Variants in PRKN observed in about 807,000 individuals in gnomAD.
PRKN encodes the protein E3 ubiquitin-protein ligase parkin.
Under a neutral mutation model 59.5 loss-of-function variants are expected in PRKN, and 56 were observed. The observed-to-expected ratio is 0.94, with a 90% confidence interval of 0.76 to 1.18. The LOEUF (loss-of-function observed/expected upper bound fraction) is 1.18. Among genes scored for constraint, PRKN ranks in the 50% most tolerant of loss-of-function variants. PRKN has a pLI of 0.00. For synonymous variants in PRKN, 250 were observed against 222.1 expected (o/e 1.13, Z -1.12); for missense variants, 657 against 596.4 (o/e 1.10, Z -1.06).
At chr6:162,176,044 G>C (rs1218584733) in intron 4 of PRKN, among the ~76,000 whole-genome samples, 1 of 152,194 alleles carries the variant, frequency 6.6e-6, no homozygotes, top group Non-Finnish European at 1.5e-5. Context: ...CAATATGGTA[G>C]TTAGAACACA....
At chr6:161,840,608 A>C (rs1224158087) in intron 6 of PRKN, among the ~76,000 whole-genome samples, 1 of 150,926 alleles carries the variant, frequency 6.6e-6, no homozygotes, top group Non-Finnish European at 1.5e-5. Flanking sequence ...CCCACCCTCC[A>C]CCTTCTGCCA....
chr6:161,981,007 T>C (rs1280733855), intron 5 of PRKN, among the ~76,000 whole-genome samples: 1 of 152,224 alleles, frequency 6.6e-6, no homozygotes, highest in East Asian at 1.9e-4. Context: ...AACTCAACTA[T>C]ACTCGTCAAA....
At chr6:162,503,172 G>A (rs538506255) in intron 1 of PRKN, among the ~76,000 whole-genome samples, 25 of 137,912 alleles carry the variant, frequency 1.8e-4, no homozygotes, top group African/African-American at 5.4e-4. Context: ...TGGCCGGGGG[G>A]TGTTTTTTTA....
intron 5 of PRKN, among the ~76,000 whole-genome samples, chr6:162,021,134 AT>A (rs1259996882): frequency 2.1e-4 from 2 of 9,306 alleles, no homozygotes; most frequent in South Asian, 3.5e-3. Context: ...ATATATATAT[AT>A]ATATATATAT....
At position 162,472,468 on chromosome 6, in the gene PRKN, T is replaced by TATATATATATATATATATATATATATATA. The variant is rs1385821060; in HGVS notation, c.8-28996_8-28995insTATATATATATATATATATATATATATAT. On this transcript the variant is annotated intron_variant, in intron 1 of 11. Transcript: ENST00000366898. The stretch of plus-strand genomic sequence containing the variant: ...AGTCCAAACTCTAACTTTTATTTTA[T>TATATATATATATATATATATATATATATA]TTTATTTTATTTTATTTTATTTTAT... 1.7e-3 allele frequency among the ~76,000 whole-genome samples: 179 copies of TATATATATATATATATATATATATATATA among 104,242 alleles called. 2 individuals carry two copies. The highest frequency in any genetic ancestry group is 3.4e-3 in the East Asian group (11 of 3,220). 68.4% of individuals were successfully genotyped at this position (104,242 alleles called of 152,430 possible). A position where few individuals can be genotyped will look rare whatever the true frequency, so the allele number is the denominator to read the frequency against.
intron 2 of PRKN, among the ~76,000 whole-genome samples, chr6:162,283,873 A>C (rs1288580983): frequency 1.3e-5 from 2 of 152,210 alleles, no homozygotes; most frequent in Non-Finnish European, 2.9e-5. Flanking sequence ...AGTGTCCTCT[A>C]TCTGAAATAA....
intron 4 of PRKN, among the ~76,000 whole-genome samples, chr6:162,123,916 C>T (rs568714391): frequency 6.6e-6 from 1 of 152,082 alleles, no homozygotes; most frequent in East Asian, 1.9e-4. Flanking sequence ...TAGACTATAC[C>T]GAGAGGAGGC....
At chr6:162,564,479 T>C (rs1028270053) in intron 1 of PRKN, among the ~76,000 whole-genome samples, 1 of 151,906 alleles carries the variant, frequency 6.6e-6, no homozygotes, top group East Asian at 1.9e-4. Context: ...GAGAAAGATA[T>C]CAATATACAA....
chr6:161,835,016 A>T (rs1792687231), intron 6 of PRKN, among the ~76,000 whole-genome samples: 2 of 151,904 alleles, frequency 1.3e-5, no homozygotes, highest in Admixed American at 1.3e-4. Context: ...ACTAGGCATC[A>T]TTTCTGCCCG....
chr6:162,615,526 CAGA>C (rs754468980), intron 1 of PRKN, among the ~76,000 whole-genome samples: 4 of 152,052 alleles, frequency 2.6e-5, no homozygotes, highest in Non-Finnish European at 5.9e-5. Context: ...GGAAGGAGCA[CAGA>C]AGGTCTCTGA....
chr6:162,339,547 C>T (rs1394207954), intron 2 of PRKN, among the ~76,000 whole-genome samples: 3 of 146,706 alleles, frequency 2.0e-5, no homozygotes, highest in South Asian at 4.3e-4. Flanking sequence ...GCCAGCCGCC[C>T]CGTCCGGGAG....
chr6:162,070,642 C>T (rs1312921027), intron 4 of PRKN, among the ~76,000 whole-genome samples: 5 of 152,132 alleles, frequency 3.3e-5, no homozygotes, highest in Non-Finnish European at 7.3e-5. Context: ...ACAGTTTTTC[C>T]AGGGACCCAG....
At chr6:162,238,627 G>A (rs1201123916) in intron 3 of PRKN, among the ~76,000 whole-genome samples, 2 of 152,190 alleles carry the variant, frequency 1.3e-5, no homozygotes, top group African/African-American at 2.4e-5. Context: ...GAGGCCAGAT[G>A]ACTGGGCCAG....
intron 2 of PRKN, among the ~76,000 whole-genome samples, chr6:162,348,332 C>A (rs1381916239): frequency 6.6e-6 from 1 of 152,128 alleles, no homozygotes; most frequent in Admixed American, 6.6e-5. Flanking sequence ...AGTAACTTAA[C>A]TCGGTCCCAG....
chr6:162,707,651 T>C (rs971831410), intron 1 of PRKN, among the ~76,000 whole-genome samples: 8 of 151,988 alleles, frequency 5.3e-5, no homozygotes, highest in Middle Eastern at 3.4e-3. Flanking sequence ...CTCAGTTCAC[T>C]GCAACCTCCA....
chr6:161,896,606 G>A (rs1361684396), intron 6 of PRKN, among the ~76,000 whole-genome samples: 2 of 152,126 alleles, frequency 1.3e-5, no homozygotes, highest in African/African-American at 2.4e-5. Context: ...AGGAAAACAC[G>A]GCATGTAAGA....
chr6:161,631,389 T>G (rs1783304424), intron 7 of PRKN, among the ~76,000 whole-genome samples: 2 of 152,214 alleles, frequency 1.3e-5, no homozygotes, highest in South Asian at 4.1e-4. Flanking sequence ...CACAAGTAGC[T>G]CAGTCAGACT....
chr6:162,210,107 A>AAAAATGAAAT (rs1785140731), intron 3 of PRKN, among the ~76,000 whole-genome samples: 1 of 144,162 alleles, frequency 6.9e-6, no homozygotes, highest in East Asian at 2.0e-4. Context: ...TATAATAATA[A>AAAAATGAAAT]AAAATAAAAT....
chr6:162,166,254 G>A (rs775125703), intron 4 of PRKN, among the ~76,000 whole-genome samples: 24 of 151,904 alleles, frequency 1.6e-4, no homozygotes, highest in East Asian at 5.8e-4. Context: ...TGGAAAAATC[G>A]CCAACATATT....
Sources: allele counts gnomAD v4.1 joint callset (sites outside exome capture counted in the v4.1 genomes callset), GRCh38; gene constraint gnomAD v4.1.1; transcripts MANE v1.5; gene names NCBI Gene and HGNC (gene_info 2026-07-23, HGNC 2026-07-21).